Variants in ADGRD1 observed in about 807,000 individuals in gnomAD.
The protein encoded by ADGRD1 is G-protein coupled receptor 133.
Under a neutral mutation model 113.4 loss-of-function variants are expected in ADGRD1, and 77 were observed. The ratio of observed to expected loss-of-function variants is 0.68; its 90% CI spans 0.57 to 0.82. The LOEUF (loss-of-function observed/expected upper bound fraction) is 0.82, where lower values mean the gene tolerates loss of function less well. Ranked by LOEUF, ADGRD1 falls within the 40% of genes least tolerant of loss-of-function variation. The pLI, the probability that ADGRD1 is intolerant of heterozygous loss-of-function variation, is 0.00. For synonymous variants in ADGRD1, 474 were observed against 475.0 expected (o/e 1.00, Z 0.03); for missense variants, 1,036 against 1,139.1 (o/e 0.91, Z 1.30).
chr12:131,108,672 C>T, intron 17 of ADGRD1, 52 bp from the exon 18 acceptor site: 12 of 1,613,022 alleles, frequency 7.4e-6, no homozygotes, highest in Non-Finnish European at 9.3e-6. Flanking sequence ...CATAGCCACG[C>T]CCAGGGCCCA....
At chr12:131,045,736 CTT>C (rs1399422780) in intron 13 of ADGRD1, among the ~76,000 whole-genome samples, 1 of 152,192 alleles carries the variant, frequency 6.6e-6, no homozygotes, top group Non-Finnish European at 1.5e-5. Context: ...GAAGATCATG[CTT>C]TCTCCTTGGG....
intron 13 of ADGRD1, chr12:131,024,885 C>A (rs117288124): frequency 6.6e-6 from 1 of 152,248 alleles, no homozygotes; most frequent in Non-Finnish European, 1.5e-5. Context: ...CAGGGCTCTC[C>A]GGGCCATTTT....
At chr12:131,047,479 C>G (rs1457881571) in intron 13 of ADGRD1, among the ~76,000 whole-genome samples, 3 of 152,176 alleles carry the variant, frequency 2.0e-5, no homozygotes, top group African/African-American at 4.8e-5. Context: ...AGCCCCCTGT[C>G]GGGAGGAGAG....
intron 12 of ADGRD1, among the ~76,000 whole-genome samples, chr12:131,006,697 T>G (rs1369348932): frequency 2.5e-5 from 3 of 121,900 alleles, no homozygotes; most frequent in South Asian, 2.7e-4. Context: ...CTGGGGAGGA[T>G]GAGGGAAATG....
intron 13 of ADGRD1, among the ~76,000 whole-genome samples, chr12:131,044,225 G>A (rs1882436870): frequency 6.6e-6 from 1 of 152,220 alleles, no homozygotes; most frequent in African/African-American, 2.4e-5. Context: ...ACCATTTAAT[G>A]ATCGCTGAGT....
Position 131,084,622 on chromosome 12 carries a change from C to T in ADGRD1, c.1630C>T (p.Leu544Phe). ...LTYSVCRCTHLTNFAILMQVV... is the reference protein window; with the variant it reads ...LTYSVCRCTHFTNFAILMQVV... ...CTACTCCGTCTGCCGCTGCACTCAC[C>T]TCACCAACTTTGCCATCCTCATGCA... Residue 544 changes from leucine (L) to phenylalanine (F), a missense_variant, in exon 15 of 25, where the codon CTC becomes TTC. Physicochemically the swap from Leu to Phe is conservative, Grantham distance 22. Coordinates refer to ENST00000261654, the MANE Select transcript of ADGRD1 (RefSeq NM_198827.5). The surrounding 1 kb of genome is among the most constrained non-coding windows in gnomAD (Gnocchi z 4.5). The T allele has an allele frequency of 6.2e-7, 1 of 1,614,194 alleles. No individual in the cohort carries two copies. Among genetic ancestry groups the T allele is most frequent in the Non-Finnish European group, 8.5e-7 (1 of 1,180,026 alleles).
intron 15 of ADGRD1, among the ~76,000 whole-genome samples, chr12:131,101,363 CTTTTTCTTTCTTTCTTTTTTTTTTTTT>C (rs1430488374): frequency 1.0e-5 from 1 of 98,498 alleles, no homozygotes; most frequent in Admixed American, 1.1e-4. Context: ...TATTTTTTTT[CTTTTTCTTTCTTTCTTTTTTTTTTTTT>C]TTTTTTTTTT....
intron 13 of ADGRD1, among the ~76,000 whole-genome samples, chr12:131,056,057 G>C (rs1883836466): frequency 6.6e-6 from 1 of 152,134 alleles, no homozygotes; most frequent in Admixed American, 6.5e-5. Flanking sequence ...GTCCCCTGGG[G>C]GCAAACCTAT....
chr12:131,119,123 C>G (rs1267714726), intron 19 of ADGRD1, among the ~76,000 whole-genome samples: 1 of 152,200 alleles, frequency 6.6e-6, no homozygotes, highest in Non-Finnish European at 1.5e-5. Flanking sequence ...TTCTTGGAAG[C>G]TGCTACCTGT....
intron 20 of ADGRD1, among the ~76,000 whole-genome samples, chr12:131,121,631 C>T (rs2137420622): frequency 6.6e-6 from 1 of 152,300 alleles, no homozygotes; most frequent in South Asian, 2.1e-4. Flanking sequence ...CTGCCCTCCT[C>T]TGTCTCCCAA....
chr12:131,010,248 G>A lies in ADGRD1; in HGVS notation c.1332-3951G>A, dbSNP rs767752588. On this transcript the variant is annotated intron_variant, in intron 12 of 24. Coordinates refer to ENST00000261654, the MANE Select transcript of ADGRD1 (RefSeq NM_198827.5). ...CTTCACACTGTGTTCCCAGGGTGGC[G>A]TTGAATTCTCGCGCTGAGGGAAGGT... Among the ~76,000 whole-genome samples the A allele has an allele frequency of 4.1e-4, 63 of 152,292 alleles. 2 individuals are homozygous for A. The highest frequency in any genetic ancestry group is 3.4e-3 in the Middle Eastern group (1 of 294).
Position 131,004,301 on chromosome 12 carries a change from G to A in ADGRD1, c.1255+5G>A, listed in dbSNP as rs1468226040. 1.9e-6 allele frequency: 3 copies of A among 1,593,264 alleles called. No individual in the cohort carries two copies. Among genetic ancestry groups the A allele is most frequent in the Non-Finnish European group, 2.6e-6 (3 of 1,161,844 alleles). On this transcript the variant is annotated splice_donor_5th_base_variant and intron_variant, in intron 11 of 24. Transcript: ENST00000261654. ...ACGAGGCCTTCCACAGGCACGGTGAGTGTGGCTGCGCTGGACTCCCTTCCG... is the reference window on the plus strand; with the variant it reads ...ACGAGGCCTTCCACAGGCACGGTGAATGTGGCTGCGCTGGACTCCCTTCCG...
At position 131,139,915 on chromosome 12, in the gene ADGRD1, C is replaced by G. The variant is rs569340079; in HGVS notation, c.*652C>G. On this transcript the variant is annotated 3_prime_UTR_variant, in exon 25 of 25. Transcript: ENST00000261654. ...GAGCCGTGGGCGGGAGTCGTTGACTCTCCAGGTGAGGGCGACCCCTCTGCC... is the reference window on the plus strand; with the variant it reads ...GAGCCGTGGGCGGGAGTCGTTGACTGTCCAGGTGAGGGCGACCCCTCTGCC... 6.5e-6 allele frequency: 1 copy of G among 152,702 alleles called. No homozygotes were observed. Among genetic ancestry groups the G allele is most frequent in the Non-Finnish European group, 1.5e-5 (1 of 68,292 alleles). 9.5% of individuals were successfully genotyped at this position (152,702 alleles called of 1,614,324 possible). A position where few individuals can be genotyped will look rare whatever the true frequency, so the allele number is the denominator to read the frequency against.
intron 18 of ADGRD1, among the ~76,000 whole-genome samples, chr12:131,112,995 C>T (rs1478893457): frequency 2.0e-5 from 3 of 152,120 alleles, no homozygotes; most frequent in Admixed American, 6.5e-5. Context: ...ATGAGAAATG[C>T]GGGCAGCCTT....
intron 13 of ADGRD1, among the ~76,000 whole-genome samples, chr12:131,072,859 A>G (rs1177579400): frequency 1.3e-5 from 2 of 152,182 alleles, no homozygotes; most frequent in East Asian, 3.9e-4. Context: ...TAAGGGTCTG[A>G]GCAGCATCTG....
At chr12:131,116,706 CTG>C (rs1436536596) in intron 18 of ADGRD1, among the ~76,000 whole-genome samples, 3 of 152,334 alleles carry the variant, frequency 2.0e-5, no homozygotes, top group Admixed American at 6.5e-5. Flanking sequence ...GTGCCAGGAG[CTG>C]TGTCTCTTGA....
chr12:131,084,482 C>T lies in ADGRD1; in HGVS notation c.1548-58C>T, dbSNP rs1439983426. On this transcript the variant is annotated intron_variant, in intron 14 of 24. Coordinates refer to ENST00000261654, the MANE Select transcript of ADGRD1 (RefSeq NM_198827.5). This position sits in a 1 kb window ranked among gnomAD's most constrained non-coding sequence, Gnocchi z 4.5. ...TGTTATGGGGGGTGCTGCTCTCAGT[C>T]CCCTGCCTGCCAAGGGTGCGGTGCT... is the stretch of plus-strand genomic sequence containing the variant. 1.9e-6 allele frequency: 3 copies of T among 1,603,936 alleles called. No homozygotes were observed. The highest frequency in any genetic ancestry group is 2.6e-6 in the Non-Finnish European group (3 of 1,172,820).
chr12:131,061,223 G>T (rs549046589), intron 13 of ADGRD1, among the ~76,000 whole-genome samples: 1 of 152,316 alleles, frequency 6.6e-6, no homozygotes. Context: ...AGTGACTCAG[G>T]CTGGGAGTAT....
intron 20 of ADGRD1, among the ~76,000 whole-genome samples, chr12:131,123,053 T>TG (rs1566130279): frequency 8.0e-6 from 1 of 125,186 alleles, no homozygotes; most frequent in South Asian, 2.8e-4. Context: ...TTTTTTTTTT[T>TG]TTTTTTTTTT....
Sources: gnomAD v4.1 joint callset for allele counts (sites outside exome capture counted in the v4.1 genomes callset) on GRCh38, gnomAD v4.1.1 for gene constraint, Gnocchi (gnomAD v3.1) non-coding constraint, MANE v1.5 for transcripts, NCBI Gene and HGNC (gene_info 2026-07-23, HGNC 2026-07-21) for gene names.